Variants in INTS6 observed in about 807,000 individuals in gnomAD.
INTS6 encodes the protein DEAD box protein.
A neutral mutation model predicts 104.9 loss-of-function variants in INTS6; 16 were observed. The ratio of observed to expected loss-of-function variants is 0.15; its 90% CI spans 0.10 to 0.23. INTS6 has a LOEUF of 0.23. Ranked by LOEUF, INTS6 falls within the 10% of genes least tolerant of loss-of-function variation. The pLI is 1.00. For synonymous variants in INTS6, 324 were observed against 358.7 expected (o/e 0.90, Z 1.09); for missense variants, 584 against 1,062.8 (o/e 0.55, Z 6.26).
At position 51,376,055 on chromosome 13, in the gene INTS6, C is replaced by A; in HGVS notation, c.1722G>T (p.Gln574His). Residue 574 changes from glutamine (Q) to histidine (H), a missense_variant, in exon 13 of 18, where the codon CAG becomes CAT. By Grantham distance (24) the Gln-to-His change is conservative. Transcript: ENST00000311234. ...LKSTRRFLKG[Q>H]DEDQVHSVPI... ...TTGAAACTATGTTCTAACCTTCGTC[C>A]TGTCCTTTCAGAAATCTGCGAGTGC... The A allele has an allele frequency of 6.2e-7, 1 of 1,608,026 alleles. No individual in the cohort carries two copies. Among genetic ancestry groups the A allele is most frequent in the Non-Finnish European group, 8.5e-7 (1 of 1,178,082 alleles).
At chr13:51,373,319 A>G (rs1593669686) in intron 15 of INTS6, among the ~76,000 whole-genome samples, 1 of 152,008 alleles carries the variant, frequency 6.6e-6, no homozygotes, top group South Asian at 2.1e-4. Context: ...ACTATATATA[A>G]TTGATAAGTC....
chr13:51,443,498 T>C (rs1218011913), intron 3 of INTS6: 1 of 152,170 alleles, frequency 6.6e-6, no homozygotes, highest in African/African-American at 2.4e-5. Flanking sequence ...GTTTAAAGTC[T>C]GGCAACCATG....
chr13:51,412,937 C>T (rs1488871552), intron 4 of INTS6, among the ~76,000 whole-genome samples: 1 of 152,152 alleles, frequency 6.6e-6, no homozygotes, highest in Admixed American at 6.5e-5. Flanking sequence ...GTAGGTAACA[C>T]TGAAATAAGT....
Position 51,451,169 on chromosome 13 carries a change from T to C in INTS6, c.195A>G (p.Gly65=). The change falls in exon 3 of 18, where the codon GGA becomes GGG. Residue 65 remains glycine (G), a synonymous_variant. Coordinates refer to ENST00000311234, the MANE Select transcript of INTS6 (RefSeq NM_012141.3). Reference sequence around the variant, plus strand: ...TAAACGTTGCATGGTTTTCTTTCCATCCAGCCTGAAAAGAAAAATGTAAGA... The same window carrying C: ...TAAACGTTGCATGGTTTTCTTTCCACCCAGCCTGAAAAGAAAAATGTAAGA... The part of the protein sequence containing the change: ...FEEPPYAIKA[G]WKENHATFMN... The C allele has an allele frequency of 6.4e-7, 1 of 1,555,714 alleles. No individual in the cohort carries two copies. The highest frequency in any genetic ancestry group is 8.6e-7 in the Non-Finnish European group (1 of 1,158,734).
intron 15 of INTS6, among the ~76,000 whole-genome samples, chr13:51,371,177 T>C (rs544366674): frequency 1.3e-5 from 2 of 152,198 alleles, no homozygotes; most frequent in Non-Finnish European, 2.9e-5. Context: ...TTCACATGCA[T>C]ATTCAAGTCT....
chr13:51,364,208 T>C lies in INTS6; in HGVS notation c.*1544A>G, dbSNP rs1283305674. On this transcript the variant is annotated 3_prime_UTR_variant, in exon 18 of 18. Transcript: ENST00000311234. The stretch of plus-strand genomic sequence containing the variant: ...TAAAGAACTGCATATGAAAATACTA[T>C]ATAATATTAAATTCTTCTTTTTCTT... 5 of 1,171,564 alleles carry C rather than the reference T, an allele frequency of 4.3e-6. No individual in the cohort carries two copies. In the African/African-American group the frequency reaches 7.7e-5, roughly 18 times the overall value. 72.6% of individuals were successfully genotyped at this position (1,171,564 alleles called of 1,614,324 possible).
chr13:51,374,190 GA>G lies in INTS6; in HGVS notation c.2104+17del. The stretch of plus-strand genomic sequence containing the variant: ...CCAAAAGGCAGCAAATAATGTTTAA[GA>G]AAAAAACAATTCTTACTTTTATGAA... On this transcript the variant is annotated intron_variant, in intron 15 of 17. Coordinates refer to ENST00000311234, the MANE Select transcript of INTS6 (RefSeq NM_012141.3). The G allele has an allele frequency of 1.3e-6, 2 of 1,592,340 alleles. No homozygotes were observed. Among genetic ancestry groups the G allele is most frequent in the South Asian group, 1.1e-5 (1 of 89,818 alleles).
At chr13:51,344,551 T>A in the INTS6 span, 1 of 1,330,808 alleles carries the variant, frequency 7.5e-7, no homozygotes, top group Middle Eastern at 1.8e-4. Context: ...GTCTCACCCA[T>A]CACTTGTCAG....
At chr13:51,365,887 G>C (rs753584584) in intron 17 of INTS6, 42 bp from the exon 18 acceptor site, 2 of 1,164,954 alleles carry the variant, frequency 1.7e-6, no homozygotes, top group East Asian at 5.1e-5. Context: ...ACTTTTTAAT[G>C]AATAGTATAT....
Position 51,452,200 on chromosome 13 carries a change from A to C in INTS6, c.112-145T>G. Reference sequence around the variant, plus strand: ...CCCCTCCACGCCGTCCCCCACACACAGATCGCTCCCCACACACCGCCCGGG... The same window carrying C: ...CCCCTCCACGCCGTCCCCCACACACCGATCGCTCCCCACACACCGCCCGGG... On this transcript the variant is annotated intron_variant, in intron 1 of 17. Coordinates refer to ENST00000311234, the MANE Select transcript of INTS6 (RefSeq NM_012141.3). This position sits in a 1 kb window ranked among gnomAD's most constrained non-coding sequence, Gnocchi z 4.2. 1 of 768,096 alleles carries C rather than the reference A, an allele frequency of 1.3e-6. No homozygotes were observed. Among genetic ancestry groups the C allele is most frequent in the South Asian group, 2.1e-5 (1 of 48,132 alleles). The allele number at this position is 768,096 out of a possible 1,614,324, so 47.6% of individuals were successfully genotyped here.
intron 4 of INTS6, among the ~76,000 whole-genome samples, chr13:51,404,063 TACACACAC>T (rs71085082): frequency 0.039 from 4,248 of 109,558 alleles, 98 homozygotes; most frequent in Non-Finnish European, 0.057. Flanking sequence ...TCTCTACAAA[TACACACAC>T]ACACACACAC....
intron 3 of INTS6, chr13:51,450,236 G>A (rs866898870): frequency 5.1e-6 from 5 of 984,400 alleles, no homozygotes; most frequent in Middle Eastern, 5.2e-4. Flanking sequence ...ACATTGTTCA[G>A]TATCTTTTAT....
chr13:51,398,697 G>A (rs1335792309), intron 4 of INTS6, among the ~76,000 whole-genome samples: 1 of 143,590 alleles, frequency 7.0e-6, no homozygotes, highest in East Asian at 2.1e-4. Flanking sequence ...CCAACTCCTA[G>A]AAGAACTCTC....
At chr13:51,423,006 T>C (rs1038276769) in intron 4 of INTS6, 1 of 1,176,880 alleles carries the variant, frequency 8.5e-7, no homozygotes, top group African/African-American at 1.6e-5. Flanking sequence ...TATCTTAATG[T>C]ATTACAAATG....
downstream of INTS6, among the ~76,000 whole-genome samples, chr13:51,353,873 A>G (rs1410944051): frequency 6.6e-6 from 1 of 152,044 alleles, no homozygotes; most frequent in African/African-American, 2.4e-5. Flanking sequence ...TTCCATTTTG[A>G]TCTTTTTTAT....
intron 3 of INTS6, chr13:51,442,141 A>AT (rs59665801): frequency 0.41 from 55,305 of 133,522 alleles, 11,182 homozygotes; most frequent in African/African-American, 0.52. Flanking sequence ...TTTGACCATG[A>AT]TTTTTTTTTT....
At chr13:51,383,488 T>TA (rs1566214372) in intron 8 of INTS6, 27 bp from the exon 9 acceptor site, 14 of 1,607,498 alleles carry the variant, frequency 8.7e-6, no homozygotes, top group Non-Finnish European at 1.1e-5. Context: ...GTTAAAACTT[T>TA]AATAACCTTT....
At chr13:51,376,845 C>CT (rs1245673189) in intron 12 of INTS6, among the ~76,000 whole-genome samples, 2 of 152,140 alleles carry the variant, frequency 1.3e-5, no homozygotes, top group African/African-American at 4.8e-5. Context: ...ACCACATCTT[C>CT]TTTATCTATT....
downstream of INTS6, among the ~76,000 whole-genome samples, chr13:51,351,688 A>G (rs947015526): frequency 5.9e-5 from 9 of 152,106 alleles, no homozygotes. Context: ...TCGATGCCAT[A>G]TTATATTGAA....
Sources: gnomAD v4.1 joint callset for allele counts (sites outside exome capture counted in the v4.1 genomes callset) on GRCh38, gnomAD v4.1.1 for gene constraint, Gnocchi (gnomAD v3.1) non-coding constraint, MANE v1.5 for transcripts, NCBI Gene and HGNC (gene_info 2026-07-23, HGNC 2026-07-21) for gene names.